Variants in RGS22 observed in about 807,000 individuals in gnomAD.
RGS22 encodes the protein regulator of G-protein signaling 22.
RGS22 carries 148 observed loss-of-function variants against 172.9 expected under a neutral mutation model. The ratio of observed to expected loss-of-function variants is 0.86; its 90% CI spans 0.75 to 0.98. The LOEUF is 0.98. Among genes scored for constraint, RGS22 ranks in the 50% least tolerant of loss-of-function variants. RGS22 has a pLI of 0.00. For synonymous variants in RGS22, 458 were observed against 480.2 expected (o/e 0.95, Z 0.60); for missense variants, 1,347 against 1,440.8 (o/e 0.93, Z 1.05).
rs563600994 is a variant in RGS22 at position 100,094,226 on chromosome 8, T to C, written c.55-717A>G. ...AGACACCTTATTTTATTAGCAATTG[T>C]TTCCATTATGTCAAAAGCACATCAT... On this transcript the variant is annotated intron_variant, in intron 2 of 27. Transcript: ENST00000360863. Among the ~76,000 whole-genome samples the C allele has an allele frequency of 2.6e-5, 4 of 152,358 alleles. No individual in the cohort carries two copies. The South Asian group carries it at 8.3e-4, about 32-fold the overall frequency.
chr8:100,072,235 G>C lies in RGS22; in HGVS notation c.340-5C>G. On this transcript the variant is annotated splice_polypyrimidine_tract_variant and splice_region_variant and intron_variant, in intron 4 of 27. Coordinates refer to ENST00000360863, the MANE Select transcript of RGS22 (RefSeq NM_015668.5). The stretch of plus-strand genomic sequence containing the variant: ...ACCTTCTTCACGACTGAGACACTAT[G>C]AGAAGAAAGAGAAAAAGAAAAAGAA... 1 of 1,537,826 alleles carries C rather than the reference G, an allele frequency of 6.5e-7. No individual in the cohort carries two copies. Among genetic ancestry groups the C allele is most frequent in the Non-Finnish European group, 8.8e-7 (1 of 1,134,570 alleles).
chr8:99,964,389 G>C (rs748498748), intron 24 of RGS22, among the ~76,000 whole-genome samples: 1 of 151,354 alleles, frequency 6.6e-6, no homozygotes. Context: ...AGGAAGTTGA[G>C]GCTGCAAAGA....
At chr8:100,045,809 C>G (rs112960360) in intron 11 of RGS22, among the ~76,000 whole-genome samples, 101 of 151,516 alleles carry the variant, frequency 6.7e-4, no homozygotes, top group African/African-American at 2.3e-3. Flanking sequence ...TGTCCTTTCA[C>G]TTGTTTCATC....
intron 8 of RGS22, 97 bp downstream of exon 8, chr8:100,063,319 T>A (rs915638533): frequency 2.4e-5 from 20 of 827,260 alleles, no homozygotes; most frequent in East Asian, 8.5e-5. Context: ...TTACATTTTT[T>A]AAAATTTACT....
intron 20 of RGS22, among the ~76,000 whole-genome samples, chr8:99,995,269 A>T (rs776304205): frequency 4.6e-5 from 7 of 152,214 alleles, no homozygotes; most frequent in Non-Finnish European, 8.8e-5. Context: ...GACAAACGGG[A>T]TCTAATTAAA....
At chr8:100,104,048 T>A (rs1586311691) in intron 2 of RGS22, among the ~76,000 whole-genome samples, 1 of 152,170 alleles carries the variant, frequency 6.6e-6, no homozygotes, top group East Asian at 1.9e-4. Flanking sequence ...CCTGGAACAG[T>A]GGCTCGGGCC....
At position 100,052,912 on chromosome 8, in the gene RGS22, A is replaced by C. The variant is rs1334719568; in HGVS notation, c.1579T>G (p.Trp527Gly). The C allele has an allele frequency of 6.2e-7, 1 of 1,614,150 alleles. No individual in the cohort carries two copies. The highest frequency in any genetic ancestry group is 1.7e-5 in the Admixed American group (1 of 60,016). The change falls in exon 10 of 28, where the codon TGG becomes GGG. Residue 527 changes from tryptophan to glycine, a missense_variant. Coordinates refer to ENST00000360863, the MANE Select transcript of RGS22 (RefSeq NM_015668.5). The part of the protein sequence containing the change: ...TKYASAELKF[W>G]HLRQAKPRKD... ...CTTGGTTTTGCTTGACGGAGGTGCCAGAATTTCAGTTCAGCACTAGCATAT... is the reference window on the plus strand; with the variant it reads ...CTTGGTTTTGCTTGACGGAGGTGCCCGAATTTCAGTTCAGCACTAGCATAT...
chr8:100,006,137 A>T, intron 15 of RGS22, 28 bp from the exon 16 acceptor site: 1 of 1,564,010 alleles, frequency 6.4e-7, no homozygotes. Flanking sequence ...AGCTTGTGAC[A>T]TCAAGAGAAT....
intron 4 of RGS22, among the ~76,000 whole-genome samples, chr8:100,077,509 G>A (rs1811441690): frequency 6.6e-6 from 1 of 152,120 alleles, no homozygotes; most frequent in South Asian, 2.1e-4. Flanking sequence ...TTATTTAGGA[G>A]TATGTTATGT....
intron 14 of RGS22, among the ~76,000 whole-genome samples, chr8:100,013,115 G>A (rs906373293): frequency 1.1e-4 from 16 of 151,268 alleles, no homozygotes; most frequent in Admixed American, 3.3e-4. Context: ...TCAGCCTCCC[G>A]AGTAGCTGGG....
intron 4 of RGS22, among the ~76,000 whole-genome samples, chr8:100,075,762 A>G (rs140358544): frequency 1.3e-5 from 2 of 152,364 alleles, no homozygotes; most frequent in East Asian, 1.9e-4. Context: ...ATTTCTGGGT[A>G]ATTTGATAAC....
chr8:100,061,249 G>A (rs1245266801), intron 9 of RGS22, among the ~76,000 whole-genome samples: 2 of 152,114 alleles, frequency 1.3e-5, no homozygotes, highest in African/African-American at 4.8e-5. Context: ...ATAGGCACAG[G>A]CAAAGATTTC....
intron 14 of RGS22, among the ~76,000 whole-genome samples, chr8:100,021,666 G>A (rs1057437222): frequency 6.6e-6 from 1 of 152,018 alleles, no homozygotes; most frequent in African/African-American, 2.4e-5. Context: ...CCATATTGCT[G>A]TATGTGATGG....
In RGS22 at chr8:99,961,003, G is replaced by A. The variant is rs1394782439; in HGVS notation, c.*239C>T. On this transcript the variant is annotated 3_prime_UTR_variant, in exon 28 of 28. Coordinates refer to ENST00000360863, the MANE Select transcript of RGS22 (RefSeq NM_015668.5). Reference sequence around the variant, plus strand: ...TAAGTTAAACAGTTCTTATAGTCTTGTATGTCATGTGTACAGAATAGCTAT... The same window carrying A: ...TAAGTTAAACAGTTCTTATAGTCTTATATGTCATGTGTACAGAATAGCTAT... 1.1e-5 allele frequency: 3 copies of A among 273,758 alleles called. No homozygotes were observed. In the Admixed American group the frequency reaches 1.4e-4, roughly 13 times the overall value. The allele number at this position is 273,758 out of a possible 1,614,324, so 17.0% of individuals were successfully genotyped here. A position where few individuals can be genotyped will look rare whatever the true frequency, so the allele number is the denominator to read the frequency against.
chr8:100,012,389 A>T (rs1259922689), intron 14 of RGS22, among the ~76,000 whole-genome samples: 1 of 152,196 alleles, frequency 6.6e-6, no homozygotes, highest in African/African-American at 2.4e-5. Flanking sequence ...CTTAAAGAGC[A>T]ACAGTGATTT....
At chr8:100,086,929 ATTCTGTTGGTT>A (rs1200524462) in intron 3 of RGS22, among the ~76,000 whole-genome samples, 3 of 152,080 alleles carry the variant, frequency 2.0e-5, no homozygotes, top group Non-Finnish European at 2.9e-5. Flanking sequence ...GCAAAGCCAC[ATTCTGTTGGTT>A]ACTTCATGCT....
chr8:100,010,269 C>T (rs903845154), intron 14 of RGS22, among the ~76,000 whole-genome samples: 2 of 151,992 alleles, frequency 1.3e-5, no homozygotes, highest in Non-Finnish European at 2.9e-5. Flanking sequence ...GGGCACATCA[C>T]GAGGTCAAGA....
chr8:99,978,287 AT>A (rs1426116996), intron 22 of RGS22, among the ~76,000 whole-genome samples: 12 of 152,188 alleles, frequency 7.9e-5, no homozygotes, highest in Admixed American at 7.2e-4. Context: ...TTAAAAAAAA[AT>A]ACATTAAATA....
At chr8:100,062,842 A>G (rs1195579116) in intron 8 of RGS22, 90 bp from the exon 9 acceptor site, 1 of 1,069,518 alleles carries the variant, frequency 9.4e-7, no homozygotes, top group African/African-American at 1.6e-5. Context: ...GAGAATAAAC[A>G]CAAGTTAAAG....
Sources: gnomAD v4.1 joint callset for allele counts (sites outside exome capture counted in the v4.1 genomes callset) on GRCh38, gnomAD v4.1.1 for gene constraint, MANE v1.5 for transcripts, NCBI Gene and HGNC (gene_info 2026-07-23, HGNC 2026-07-21) for gene names.